Variants in PRDM14 observed in about 807,000 individuals in gnomAD.
PRDM14 encodes PR domain zinc finger protein 14.
PRDM14 carries 16 observed loss-of-function variants against 48.0 expected under a neutral mutation model. That is an observed-to-expected ratio of 0.33 (90% confidence interval 0.23 to 0.51). PRDM14 has a LOEUF of 0.51. Among genes scored for constraint, PRDM14 ranks in the 20% least tolerant of loss-of-function variants. PRDM14 has a pLI of 0.97. For missense variants in PRDM14, 566 were observed against 719.6 expected, an observed-to-expected ratio of 0.79 and a Z score of 2.44; for synonymous variants, 264 against 276.6, an observed-to-expected ratio of 0.95 and a Z score of 0.45.
intron 5 of PRDM14, among the ~76,000 whole-genome samples, chr8:70,063,835 T>C (rs1805624492): frequency 6.6e-6 from 1 of 152,166 alleles, no homozygotes; most frequent in Admixed American, 6.5e-5. Flanking sequence ...TTGACTTTTA[T>C]TTCGAAAGGA....
chr8:70,070,557 C>T lies in PRDM14; in HGVS notation c.-25+593G>A, dbSNP rs991159800. On this transcript the variant is annotated intron_variant, in intron 1 of 7. Transcript: ENST00000276594. The stretch of plus-strand genomic sequence containing the variant: ...GTCCTGACTGCCCGCAGGGGAGGGG[C>T]GCGCCACTTTTGGCTGCCCTAGGAT... Among the ~76,000 whole-genome samples, 3 of 152,296 alleles carry T rather than the reference C, an allele frequency of 2.0e-5. No homozygotes were observed. In the East Asian group the frequency reaches 5.8e-4, roughly 30 times the overall value.
rs974077390 is a variant in PRDM14, at chr8:70,055,242, A to T, written c.1488+58T>A. ...AAGCCAGGCTTTGTTTCAAGTTCTT[A>T]TCCATAGACACTCAAGCAGAGCTCA... is the stretch of plus-strand genomic sequence containing the variant. On this transcript the variant is annotated intron_variant, in intron 7 of 7. Transcript: ENST00000276594. The T allele has an allele frequency of 7.4e-6, 7 of 949,432 alleles. No individual in the cohort carries two copies. The African/African-American group carries it at 1.2e-4, about 16-fold the overall frequency. The allele number at this position is 949,432 out of a possible 1,614,324, so 58.8% of individuals were successfully genotyped here. A position where few individuals can be genotyped will look rare whatever the true frequency, so the allele number is the denominator to read the frequency against.
chr8:70,056,741 C>T lies in PRDM14; in HGVS notation c.1387-1340G>A, dbSNP rs138342514. Among the ~76,000 whole-genome samples the T allele has an allele frequency of 9.6e-3, 1,346 of 139,706 alleles. 17 individuals are homozygous for T. The highest frequency in any genetic ancestry group is 0.034 in the African/African-American group (1,241 of 36,918). The allele number at this position is 139,706 out of a possible 152,430, so 91.7% of individuals were successfully genotyped here. On this transcript the variant is annotated intron_variant, in intron 6 of 7. Coordinates refer to ENST00000276594, the MANE Select transcript of PRDM14 (RefSeq NM_024504.4). ...GGCTGAGGTTGGGTGATTGTTTGAG[C>T]GTAGGAGGTGGAGGTTGCAGTGAGC...
intron 6 of PRDM14, 71 bp downstream of exon 6, chr8:70,058,569 C>A: frequency 1.5e-6 from 2 of 1,376,610 alleles, no homozygotes; most frequent in Non-Finnish European, 1.0e-6. Context: ...TACAAGGCAA[C>A]TCCCCGTGTT....
intron 5 of PRDM14, among the ~76,000 whole-genome samples, chr8:70,059,777 T>C (rs1184968791): frequency 6.6e-6 from 1 of 152,134 alleles, no homozygotes; most frequent in Non-Finnish European, 1.5e-5. Flanking sequence ...ACCGTAATCT[T>C]TAGAAGATGA....
chr8:70,068,586 T>C, intron 2 of PRDM14, 54 bp from the exon 3 acceptor site: 1 of 1,436,564 alleles, frequency 7.0e-7, no homozygotes. Flanking sequence ...TATAAAGTGC[T>C]TTTATGAGGT....
Position 70,051,765 on chromosome 8 carries a change from CATTTT to C in PRDM14, c.*307_*311del. The C allele has an allele frequency of 2.4e-5, 3 of 124,160 alleles. No homozygotes were observed. Among genetic ancestry groups the C allele is most frequent in the South Asian group, 1.8e-4 (1 of 5,422 alleles). The allele number at this position is 124,160 out of a possible 1,614,324, so 7.7% of individuals were successfully genotyped here. A position where few individuals can be genotyped will look rare whatever the true frequency, so the allele number is the denominator to read the frequency against. On this transcript the variant is annotated 3_prime_UTR_variant, in exon 8 of 8. Transcript: ENST00000276594. The stretch of plus-strand genomic sequence containing the variant: ...TGTCTCCACACTCTTGAGGGCTACT[CATTTT>C]TTTTGTTTTGTTTTGTTTTGAGACA...
At chr8:70,068,159 A>T in intron 4 of PRDM14, 71 bp downstream of exon 4, 2 of 1,573,590 alleles carry the variant, frequency 1.3e-6, no homozygotes, top group African/African-American at 2.7e-5. Flanking sequence ...CCAAAAGGGC[A>T]AAGGCCAAGA....
chr8:70,053,975 T>C (rs1389168115), intron 7 of PRDM14, among the ~76,000 whole-genome samples: 1 of 152,200 alleles, frequency 6.6e-6, no homozygotes. Context: ...ATGGAGCCAT[T>C]GAGCACTTAA....
chr8:70,057,629 G>A (rs888299261), intron 6 of PRDM14, among the ~76,000 whole-genome samples: 2 of 152,164 alleles, frequency 1.3e-5, no homozygotes, highest in East Asian at 1.9e-4. Flanking sequence ...ACTGCGCCTG[G>A]CCAGTAAGCC....
At chr8:70,060,276 G>A (rs1168944190) in intron 5 of PRDM14, among the ~76,000 whole-genome samples, 2 of 151,274 alleles carry the variant, frequency 1.3e-5, no homozygotes. Context: ...GATAGCACAC[G>A]CCTTTAGTCC....
At chr8:70,056,707 T>C (rs1215892776) in intron 6 of PRDM14, among the ~76,000 whole-genome samples, 1 of 150,332 alleles carries the variant, frequency 6.7e-6, no homozygotes, top group Non-Finnish European at 1.5e-5. Flanking sequence ...TCAGCTCAGC[T>C]ACTTGGGAGG....
Position 70,057,330 on chromosome 8 carries a change from A to T in PRDM14, c.1386+1310T>A, listed in dbSNP as rs115453606. Reference sequence around the variant, plus strand: ...TTTGGTTTTTGCTTGATAAGACAATATTTTTTTTTTTTTTTTGGGATGGAG... The same window carrying T: ...TTTGGTTTTTGCTTGATAAGACAATTTTTTTTTTTTTTTTTTGGGATGGAG... On this transcript the variant is annotated intron_variant, in intron 6 of 7. Coordinates refer to ENST00000276594, the MANE Select transcript of PRDM14 (RefSeq NM_024504.4). 7.4e-3 allele frequency among the ~76,000 whole-genome samples: 878 copies of T among 119,176 alleles called. 6 individuals are homozygous for T. Among genetic ancestry groups the T allele is most frequent in the African/African-American group, 0.024 (773 of 31,578 alleles). 78.2% of individuals were successfully genotyped at this position (119,176 alleles called of 152,430 possible).
chr8:70,070,398 CT>C (rs1247979890), intron 1 of PRDM14, among the ~76,000 whole-genome samples: 2 of 152,274 alleles, frequency 1.3e-5, no homozygotes, highest in East Asian at 3.9e-4. Context: ...CTCCTGGGCC[CT>C]CGGCTGGGAG....
rs1585655784 is a variant in PRDM14, at chr8:70,069,677, C to A, written c.184G>T (p.Ala62Ser). The change falls in exon 2 of 8, where the codon GCT (alanine) becomes TCT (serine). Residue 62 changes from alanine to serine, a missense_variant. This residue lies in a region of PRDM14 where 410 missense variants were observed against 424.6 expected (regional missense o/e 0.97). Transcript: ENST00000276594. ...PFRQLEAAAS[A>S]APAMPPFPFR... ...GGGAAGGGGGGCATGGCGGGGGCAGCAGACGCTGCGGCCTCCAGCTGCCGG... is the reference window on the plus strand; with the variant it reads ...GGGAAGGGGGGCATGGCGGGGGCAGAAGACGCTGCGGCCTCCAGCTGCCGG... 2.6e-6 allele frequency: 4 copies of A among 1,549,670 alleles called. No homozygotes were observed. In the South Asian group the frequency reaches 4.7e-5, roughly 18 times the overall value.
intron 5 of PRDM14, among the ~76,000 whole-genome samples, chr8:70,063,073 C>T (rs1190444919): frequency 1.3e-5 from 2 of 152,102 alleles, no homozygotes; most frequent in African/African-American, 2.4e-5. Flanking sequence ...AATAGATTTC[C>T]AGAAGAGTAT....
At chr8:70,064,109 A>T (rs1454346944) in intron 5 of PRDM14, among the ~76,000 whole-genome samples, 4 of 152,078 alleles carry the variant, frequency 2.6e-5, no homozygotes, top group African/African-American at 9.7e-5. Flanking sequence ...GGCGGGGGGA[A>T]CCCAGCATGG....
chr8:70,052,188 A>G lies in PRDM14; in HGVS notation c.1605T>C (p.His535=), dbSNP rs1443368956. 6.2e-7 allele frequency: 1 copy of G among 1,613,956 alleles called. No individual in the cohort carries two copies. Residue 535 remains histidine, a synonymous_variant, in exon 8 of 8, where the codon CAT becomes CAC. Coordinates refer to ENST00000276594, the MANE Select transcript of PRDM14 (RefSeq NM_024504.4). ...SFASHAAHDS[H]VRRSHKEDDG... ...CATCCTCCTTGTGTGAACGCCGGAC[A>G]TGGCTGTCATGGGCAGCATGGGATG...
At chr8:70,066,882 C>G (rs1420890855) in intron 4 of PRDM14, among the ~76,000 whole-genome samples, 1 of 151,978 alleles carries the variant, frequency 6.6e-6, no homozygotes, top group African/African-American at 2.4e-5. Flanking sequence ...TGCACCATCA[C>G]GCCTGGCAAA....
Sources: gnomAD v4.1 joint callset for allele counts (sites outside exome capture counted in the v4.1 genomes callset) on GRCh38, gnomAD v4.1.1 for gene constraint, gnomAD v4.1.1 regional missense constraint, MANE v1.5 for transcripts, NCBI Gene and HGNC (gene_info 2026-07-23, HGNC 2026-07-21) for gene names.